The following APBB2 variants were observed in gnomAD, a reference collection of about 807,000 sequenced individuals.
APBB2 encodes Fe65-like 1.
APBB2 carries 38 observed loss-of-function variants against 82.5 expected under a neutral mutation model. The ratio of observed to expected loss-of-function variants is 0.46; its 90% CI spans 0.36 to 0.60. The LOEUF is 0.60. Ranked by LOEUF, APBB2 falls within the 20% of genes least tolerant of loss-of-function variation. The pLI, the probability that APBB2 is intolerant of heterozygous loss-of-function variation, is 0.00. For synonymous variants in APBB2, 341 were observed against 368.2 expected (o/e 0.93, Z 0.85); for missense variants, 772 against 972.3 (o/e 0.79, Z 2.74).
In APBB2 at chr4:41,185,944, A is replaced by T. The variant is rs1462477638; in HGVS notation, c.-417+28461T>A. On this transcript the variant is annotated intron_variant, in intron 1 of 17. Transcript: ENST00000508593. Reference sequence around the variant, plus strand: ...ATGTTTAATACCAAAAACACCCCCAACAAAAACAACAAATCACCCCCACAC... The same window carrying T: ...ATGTTTAATACCAAAAACACCCCCATCAAAAACAACAAATCACCCCCACAC... Among the ~76,000 whole-genome samples, 3 of 152,302 alleles carry T rather than the reference A, an allele frequency of 2.0e-5. 1 individual carries two copies. Among genetic ancestry groups the T allele is most frequent in the African/African-American group, 7.2e-5 (3 of 41,562 alleles).
At chr4:41,166,314 T>C (rs28810469) in intron 1 of APBB2, among the ~76,000 whole-genome samples, 30,991 of 151,446 alleles carry the variant, frequency 0.2, 3,269 homozygotes, top group East Asian at 0.31. Flanking sequence ...GGCGGGAAGA[T>C]CACTTGAGCC....
chr4:40,841,533 T>C (rs1431195841), intron 12 of APBB2, among the ~76,000 whole-genome samples: 1 of 152,158 alleles, frequency 6.6e-6, no homozygotes, highest in Non-Finnish European at 1.5e-5. Context: ...CTATCCTTCT[T>C]GTGGTGGAGA....
chr4:41,049,486 G>A (rs1401793053), intron 4 of APBB2, among the ~76,000 whole-genome samples: 5 of 146,736 alleles, frequency 3.4e-5, no homozygotes, highest in African/African-American at 1.3e-4. Context: ...CGCCCGGCCA[G>A]CCGCCCCGTC....
intron 1 of APBB2, among the ~76,000 whole-genome samples, chr4:41,147,933 T>C (rs1303486720): frequency 2.6e-5 from 4 of 152,278 alleles, no homozygotes; most frequent in African/African-American, 7.2e-5. Context: ...TGGGAACCAT[T>C]GATTTACTGC....
intron 4 of APBB2, among the ~76,000 whole-genome samples, chr4:41,061,410 A>C (rs1729790982): frequency 6.6e-6 from 1 of 152,222 alleles, no homozygotes; most frequent in African/African-American, 2.4e-5. Flanking sequence ...GGCACAGCCT[A>C]CTACACACCT....
chr4:40,869,424 A>AT (rs942505669), intron 12 of APBB2, among the ~76,000 whole-genome samples: 4,331 of 146,410 alleles, frequency 0.03, 197 homozygotes, highest in African/African-American at 0.1. Flanking sequence ...CATCAATATG[A>AT]TTTTTTTTTT....
At chr4:40,835,737 C>T (rs891099576) in intron 12 of APBB2, among the ~76,000 whole-genome samples, 8 of 152,250 alleles carry the variant, frequency 5.3e-5, no homozygotes, top group East Asian at 1.9e-4. Context: ...GGGAGAAAGC[C>T]GGCCAAGGGA....
chr4:40,956,325 G>C (rs370868407), intron 6 of APBB2, among the ~76,000 whole-genome samples: 108 of 152,290 alleles, frequency 7.1e-4, no homozygotes, highest in African/African-American at 2.5e-3. Context: ...AGGCTGCTTA[G>C]AATCTGAGGT....
At chr4:40,986,421 T>C (rs1011643189) in intron 6 of APBB2, among the ~76,000 whole-genome samples, 2 of 152,216 alleles carry the variant, frequency 1.3e-5, no homozygotes, top group Non-Finnish European at 2.9e-5. Context: ...AACAGCTTCA[T>C]GTGTAAACAA....
chr4:40,917,305 G>C (rs915199784), intron 10 of APBB2, among the ~76,000 whole-genome samples: 1 of 152,060 alleles, frequency 6.6e-6, no homozygotes, highest in African/African-American at 2.4e-5. Context: ...AAGATTTCTT[G>C]TCTTCAGCTT....
chr4:40,869,258 T>A (rs993801131), intron 12 of APBB2, among the ~76,000 whole-genome samples: 1 of 152,020 alleles, frequency 6.6e-6, no homozygotes, highest in African/African-American at 2.4e-5. Flanking sequence ...TAATCAACAG[T>A]GTGTGGTAAT....
At chr4:41,132,679 T>A (rs1375659742) in intron 2 of APBB2, among the ~76,000 whole-genome samples, 1 of 152,260 alleles carries the variant, frequency 6.6e-6, no homozygotes, top group African/African-American at 2.4e-5. Flanking sequence ...CTTTTTCCTT[T>A]CTATTTTTCA....
intron 4 of APBB2, among the ~76,000 whole-genome samples, chr4:41,042,285 G>A (rs968664580): frequency 6.6e-5 from 10 of 152,212 alleles, no homozygotes; most frequent in East Asian, 1.9e-4. Flanking sequence ...CACCGTGCCC[G>A]GCCTGATCCC....
chr4:40,842,980 G>A lies in APBB2; in HGVS notation c.1530-12403C>T, dbSNP rs115692821. On this transcript the variant is annotated intron_variant, in intron 12 of 17. Transcript: ENST00000508593. ...GTCCCAGGAAAGAGAGGAATGGAACGGAGAGAGGAACACAGTGCAAGTCTG... is the reference window on the plus strand; with the variant it reads ...GTCCCAGGAAAGAGAGGAATGGAACAGAGAGAGGAACACAGTGCAAGTCTG... 5.7e-3 allele frequency among the ~76,000 whole-genome samples: 869 copies of A among 152,222 alleles called. 9 individuals carry two copies. The highest frequency in any genetic ancestry group is 0.02 in the African/African-American group (825 of 41,524).
At chr4:40,907,542 T>A (rs1336380369) in intron 10 of APBB2, among the ~76,000 whole-genome samples, 1 of 151,316 alleles carries the variant, frequency 6.6e-6, no homozygotes, top group Non-Finnish European at 1.5e-5. Flanking sequence ...GGCTGATTTT[T>A]GTATTTTTAG....
At chr4:41,079,065 G>A (rs2153926962) in intron 3 of APBB2, among the ~76,000 whole-genome samples, 2 of 152,340 alleles carry the variant, frequency 1.3e-5, no homozygotes, top group South Asian at 2.1e-4. Context: ...CTGCTCAGAG[G>A]CAGCAAAGGC....
At chr4:41,140,315 TTAAC>T (rs1159559197) in intron 2 of APBB2, among the ~76,000 whole-genome samples, 6 of 152,246 alleles carry the variant, frequency 3.9e-5, no homozygotes, top group African/African-American at 9.6e-5. Flanking sequence ...GCAATTTACT[TTAAC>T]TATATGCTCT....
chr4:40,943,105 G>T (rs1787473465), intron 7 of APBB2, among the ~76,000 whole-genome samples: 1 of 152,204 alleles, frequency 6.6e-6, no homozygotes, highest in African/African-American at 2.4e-5. Flanking sequence ...AGCAGAGCAG[G>T]TTGAAATCTC....
chr4:40,995,163 G>A (rs956677430), intron 6 of APBB2, among the ~76,000 whole-genome samples: 14 of 152,134 alleles, frequency 9.2e-5, no homozygotes, highest in African/African-American at 3.4e-4. Context: ...ACAAGCTTAT[G>A]CTTGGGTTTC....
Sources: allele counts gnomAD v4.1 joint callset (sites outside exome capture counted in the v4.1 genomes callset), GRCh38; gene constraint gnomAD v4.1.1; transcripts MANE v1.5; gene names NCBI Gene and HGNC (gene_info 2026-07-23, HGNC 2026-07-21).